Variants in CECR2 observed in about 807,000 individuals in gnomAD.
CECR2 encodes the protein CECR2 histone acetyl-lysine reader.
A neutral mutation model predicts 154.5 loss-of-function variants in CECR2; 30 were observed. The observed-to-expected ratio is 0.19, with a 90% CI of 0.15 to 0.26. The LOEUF is 0.26. Among genes scored for constraint, CECR2 ranks in the 10% least tolerant of loss-of-function variants. CECR2 has a pLI of 1.00. For synonymous variants in CECR2, 725 were observed against 683.7 expected (o/e 1.06, Z -0.94); for missense variants, 1,743 against 1,829.3 (o/e 0.95, Z 0.86).
chr22:17,461,637 G>A (rs2054939433), intron 1 of CECR2, among the ~76,000 whole-genome samples: 1 of 152,092 alleles, frequency 6.6e-6, no homozygotes, highest in South Asian at 2.1e-4. Flanking sequence ...CCCTTCTCAT[G>A]GGCAAGCCTT....
chr22:17,478,225 A>G (rs2055243353), intron 2 of CECR2, among the ~76,000 whole-genome samples: 7 of 152,242 alleles, frequency 4.6e-5, no homozygotes, highest in Admixed American at 2.6e-4. Context: ...TATATAGGAC[A>G]GAACTACAGG....
chr22:17,401,461 CT>C, intron 1 of CECR2, among the ~76,000 whole-genome samples: 1 of 152,236 alleles, frequency 6.6e-6, no homozygotes, highest in African/African-American at 2.4e-5. Context: ...TTTGTAATCT[CT>C]TTGCCCCCGT....
chr22:17,447,110 C>T (rs1229923747), intron 1 of CECR2, among the ~76,000 whole-genome samples: 2 of 143,624 alleles, frequency 1.4e-5, no homozygotes, highest in African/African-American at 5.3e-5. Context: ...TCTCTGCTCA[C>T]TGTAAGCTCC....
chr22:17,421,859 AAAC>A (rs2054258485), intron 1 of CECR2, among the ~76,000 whole-genome samples: 2 of 143,866 alleles, frequency 1.4e-5, no homozygotes, highest in East Asian at 2.7e-4. Flanking sequence ...CTAAAAAAAA[AAAC>A]AAAAAAAACT....
At chr22:17,379,833 C>G (rs1473452686) in intron 1 of CECR2, among the ~76,000 whole-genome samples, 1 of 152,008 alleles carries the variant, frequency 6.6e-6, no homozygotes, top group Non-Finnish European at 1.5e-5. Flanking sequence ...GAGTGTGACT[C>G]AAGCAGTCTA....
rs1216027638 is a variant in CECR2 at position 17,499,439 on chromosome 22, G to A, written c.435G>A (p.Glu145=). 4.3e-6 allele frequency: 7 copies of A among 1,613,814 alleles called. No homozygotes were observed. The East Asian group carries it at 1.1e-4, about 26-fold the overall frequency. Reference sequence around the variant, plus strand: ...TGGATGCAGACAGTCTCCGTGTGGAGCCATTGGGTGAAGACAATTCTGGGG... The same window carrying A: ...TGGATGCAGACAGTCTCCGTGTGGAACCATTGGGTGAAGACAATTCTGGGG... ...KGLDADSLRV[E]PLGEDNSGAL... is the part of the protein sequence containing the mutation. The change falls in exon 4 of 19, where the codon GAG becomes GAA. Residue 145 remains glutamate, a synonymous_variant. Transcript: ENST00000262608.
chr22:17,367,757 A>C (rs1420630625), upstream of CECR2, among the ~76,000 whole-genome samples: 8 of 152,218 alleles, frequency 5.3e-5, no homozygotes, highest in Admixed American at 5.2e-4. Context: ...CAAGTCCAGA[A>C]AGCACCTCGT....
chr22:17,463,561 A>G (rs1030812869), intron 1 of CECR2, among the ~76,000 whole-genome samples: 4 of 152,192 alleles, frequency 2.6e-5, no homozygotes, highest in African/African-American at 7.2e-5. Flanking sequence ...GGAAGAGTCA[A>G]GGATGCCTCA....
At chr22:17,515,955 G>A (rs149793296) in intron 8 of CECR2, among the ~76,000 whole-genome samples, 3,366 of 152,276 alleles carry the variant, frequency 0.022, 117 homozygotes, top group African/African-American at 0.078. Context: ...GATTACAGGC[G>A]TGAGCCACCA....
At chr22:17,459,116 A>G (rs2054897528) in intron 1 of CECR2, among the ~76,000 whole-genome samples, 1 of 152,230 alleles carries the variant, frequency 6.6e-6, no homozygotes, top group Admixed American at 6.5e-5. Flanking sequence ...TCAAGGACAG[A>G]CCAAGGAAGC....
At chr22:17,402,139 A>G in intron 1 of CECR2, among the ~76,000 whole-genome samples, 1 of 152,040 alleles carries the variant, frequency 6.6e-6, no homozygotes, top group African/African-American at 2.4e-5. Flanking sequence ...GCCCACCACC[A>G]TGCCCAGCTA....
chr22:17,363,065 T>G (rs2062985083), intron 1 of CECR2, among the ~76,000 whole-genome samples: 1 of 151,798 alleles, frequency 6.6e-6, no homozygotes, highest in Admixed American at 6.6e-5. Context: ...TTTTTGTTTT[T>G]TTGAGACAGA....
At chr22:17,525,604 T>TG (rs2056251186) in intron 9 of CECR2, among the ~76,000 whole-genome samples, 1 of 152,198 alleles carries the variant, frequency 6.6e-6, no homozygotes. Context: ...AGACTCTGTC[T>TG]CAATAAAAAA....
chr22:17,365,045 A>G (rs1049062909), upstream of CECR2, among the ~76,000 whole-genome samples: 2 of 152,024 alleles, frequency 1.3e-5, no homozygotes, highest in Non-Finnish European at 2.9e-5. Context: ...ACCAACATGA[A>G]GAAACCCTAT....
At chr22:17,496,104 A>G (rs2055622975) in intron 2 of CECR2, among the ~76,000 whole-genome samples, 1 of 149,048 alleles carries the variant, frequency 6.7e-6, no homozygotes, top group South Asian at 2.1e-4. Context: ...TTCTCTGCAG[A>G]AAAACTATCT....
At chr22:17,501,669 G>A (rs1244227784) in intron 5 of CECR2, among the ~76,000 whole-genome samples, 7 of 152,022 alleles carry the variant, frequency 4.6e-5, no homozygotes, top group East Asian at 1.9e-4. Flanking sequence ...TTGCTTATCC[G>A]TTTCTGTGAC....
chr22:17,393,572 A>G (rs1296479884), intron 1 of CECR2, among the ~76,000 whole-genome samples: 3 of 152,138 alleles, frequency 2.0e-5, no homozygotes, highest in Non-Finnish European at 4.4e-5. Flanking sequence ...ACGAGGCTTC[A>G]CCTGTGAACT....
At chr22:17,397,329 G>A (rs998593822) in intron 1 of CECR2, among the ~76,000 whole-genome samples, 9 of 151,772 alleles carry the variant, frequency 5.9e-5, no homozygotes, top group African/African-American at 1.5e-4. Context: ...TAGTAGAGGC[G>A]TGGTTTCAGC....
At chr22:17,532,476 G>A (rs1053031905) in intron 9 of CECR2, among the ~76,000 whole-genome samples, 1 of 152,048 alleles carries the variant, frequency 6.6e-6, no homozygotes, top group African/African-American at 2.4e-5. Flanking sequence ...CCTTCTACTT[G>A]ATGGGGAAAC....
Sources: gnomAD v4.1 joint callset for allele counts (sites outside exome capture counted in the v4.1 genomes callset) on GRCh38, gnomAD v4.1.1 for gene constraint, MANE v1.5 for transcripts, NCBI Gene and HGNC (gene_info 2026-07-23, HGNC 2026-07-21) for gene names.